TFEC: variants seen among roughly 807,000 people sequenced by gnomAD.
TFEC encodes class E basic helix-loop-helix protein 34.
In TFEC, 31 loss-of-function variants were observed where a neutral mutation model predicts 41.6. The ratio of observed to expected loss-of-function variants is 0.74; its 90% confidence interval spans 0.56 to 1.01. The LOEUF is 1.01. TFEC is among the 50% of genes least tolerant of loss of function. TFEC has a pLI of 0.00. For synonymous variants in TFEC, 143 were observed against 140.6 expected, an observed-to-expected ratio of 1.02 and a Z score of -0.12; for missense variants, 402 against 404.1, an observed-to-expected ratio of 0.99 and a Z score of 0.04.
At chr7:116,139,160 CA>C in intron 1 of TFEC, among the ~76,000 whole-genome samples, 1 of 152,288 alleles carries the variant, frequency 6.6e-6, no homozygotes, top group South Asian at 2.1e-4. Flanking sequence ...AGCACTCAGG[CA>C]GCATGTTTCT....
intron 6 of TFEC, among the ~76,000 whole-genome samples, chr7:115,946,607 TTTTTCTTTCTTTCTTTCTC>T (rs973732046): frequency 8.3e-6 from 1 of 119,892 alleles, no homozygotes; most frequent in African/African-American, 3.1e-5. Context: ...CTTTCTTTCT[TTTTTCTTTCTTTCTTTCTC>T]TCTCTCTCTC....
intron 3 of TFEC, among the ~76,000 whole-genome samples, chr7:116,078,996 T>A (rs996997203): frequency 6.6e-6 from 1 of 152,162 alleles, no homozygotes; most frequent in Non-Finnish European, 1.5e-5. Context: ...CAAGTGGGTT[T>A]CATACCAGGG....
chr7:115,974,331 A>C, intron 2 of TFEC, 75 bp from the exon 3 acceptor site: 1 of 1,149,778 alleles, frequency 8.7e-7, no homozygotes, highest in Non-Finnish European at 1.1e-6. Context: ...ACAGAGAGAA[A>C]AATTCTAGCA....
intron 3 of TFEC, among the ~76,000 whole-genome samples, chr7:116,048,872 A>C (rs528138122): frequency 3.5e-4 from 53 of 152,334 alleles, no homozygotes; most frequent in Non-Finnish European, 5.3e-4. Flanking sequence ...TTTCATATCC[A>C]GCCAAACTAA....
chr7:115,991,279 T>C (rs530121768), intron 1 of TFEC, among the ~76,000 whole-genome samples: 2 of 152,224 alleles, frequency 1.3e-5, no homozygotes, highest in African/African-American at 2.4e-5. Context: ...ACATGCCAAA[T>C]TGTAAAGACC....
intron 1 of TFEC, among the ~76,000 whole-genome samples, chr7:116,020,344 G>C (rs1335134847): frequency 6.6e-6 from 1 of 152,126 alleles, no homozygotes; most frequent in Non-Finnish European, 1.5e-5. Context: ...AATTTGGACA[G>C]TACATTTTTA....
chr7:116,033,971 T>C (rs1795848505), upstream of TFEC, among the ~76,000 whole-genome samples: 1 of 152,150 alleles, frequency 6.6e-6, no homozygotes, highest in Non-Finnish European at 1.5e-5. Context: ...GCACCATAAC[T>C]GACCTTGTCA....
intron 3 of TFEC, among the ~76,000 whole-genome samples, chr7:116,085,989 C>A (rs1010696624): frequency 6.6e-6 from 1 of 151,852 alleles, no homozygotes; most frequent in African/African-American, 2.4e-5. Flanking sequence ...TCTTACATAA[C>A]CACTGTAAAA....
intron 5 of TFEC, among the ~76,000 whole-genome samples, chr7:115,954,090 T>C (rs767932036): frequency 6.6e-6 from 1 of 152,080 alleles, no homozygotes; most frequent in Non-Finnish European, 1.5e-5. Flanking sequence ...CAGAGTCTAA[T>C]TGACCCTTAG....
chr7:116,124,993 C>A (rs912351412), intron 1 of TFEC, among the ~76,000 whole-genome samples: 7 of 152,054 alleles, frequency 4.6e-5, no homozygotes, highest in South Asian at 2.1e-4. Flanking sequence ...AGAAACTATA[C>A]CACATATTAT....
intron 2 of TFEC, among the ~76,000 whole-genome samples, chr7:115,977,365 TTA>T (rs999546156): frequency 1.3e-5 from 2 of 152,024 alleles, no homozygotes; most frequent in African/African-American, 4.8e-5. Flanking sequence ...AGGAAAACAT[TTA>T]TGTTTTCAGA....
intron 1 of TFEC, among the ~76,000 whole-genome samples, chr7:116,023,247 G>T (rs1239519339): frequency 6.6e-6 from 1 of 152,146 alleles, no homozygotes; most frequent in African/African-American, 2.4e-5. Context: ...ACTTTCTGCA[G>T]TGCCACTTTG....
intron 1 of TFEC, among the ~76,000 whole-genome samples, chr7:115,997,181 G>A (rs1794400781): frequency 6.6e-6 from 1 of 152,162 alleles, no homozygotes; most frequent in Non-Finnish European, 1.5e-5. Flanking sequence ...CCCATTGGAG[G>A]TGGCCAGAGG....
chr7:116,051,406 G>C lies in TFEC; in HGVS notation c.198+59302C>G, dbSNP rs1796309132. Among the ~76,000 whole-genome samples, 4 of 152,242 alleles carry C rather than the reference G, an allele frequency of 2.6e-5. No individual in the cohort carries two copies. The South Asian group carries it at 8.3e-4, about 32-fold the overall frequency. ...AGTTCAAGTCATCAGTATCATACTA[G>C]AGGCAAAATTCAAGCTCAGGAAGTC... On this transcript the variant is annotated intron_variant, in intron 3 of 8. Transcript: ENST00000484212.
At chr7:116,027,468 T>G (rs914646532) in intron 1 of TFEC, among the ~76,000 whole-genome samples, 2 of 152,054 alleles carry the variant, frequency 1.3e-5, no homozygotes, top group Non-Finnish European at 2.9e-5. Context: ...TTATGGTGCA[T>G]GCCTGTAGTA....
chr7:116,030,753 G>A lies in TFEC; in HGVS notation c.-193C>T. On this transcript the variant is annotated 5_prime_UTR_variant, in exon 1 of 8. Coordinates refer to ENST00000265440, the MANE Select transcript of TFEC (RefSeq NM_012252.4). Reference sequence around the variant, plus strand: ...CAACCAAAGTAAACGATCTAGCCGTGAGTAATGAATACTTTGGGCTGGTTG... The same window carrying A: ...CAACCAAAGTAAACGATCTAGCCGTAAGTAATGAATACTTTGGGCTGGTTG... 1 of 985,366 alleles carries A rather than the reference G, an allele frequency of 1.0e-6. No individual in the cohort carries two copies. The highest frequency in any genetic ancestry group is 1.2e-6 in the Non-Finnish European group (1 of 829,934). The allele number at this position is 985,366 out of a possible 1,614,324, so 61.0% of individuals were successfully genotyped here. A position where few individuals can be genotyped will look rare whatever the true frequency, so the allele number is the denominator to read the frequency against.
At chr7:116,086,452 T>C (rs1309823626) in intron 3 of TFEC, among the ~76,000 whole-genome samples, 2 of 151,968 alleles carry the variant, frequency 1.3e-5, no homozygotes, top group Non-Finnish European at 2.9e-5. Context: ...GTTTGATGCA[T>C]ACATGTGTGG....
At chr7:115,973,260 C>T (rs1217799989) in intron 3 of TFEC, among the ~76,000 whole-genome samples, 3 of 151,712 alleles carry the variant, frequency 2.0e-5, no homozygotes, top group Non-Finnish European at 2.9e-5. Flanking sequence ...AGAATTGATA[C>T]AGAAAAAAGG....
At chr7:116,121,825 A>G (rs1798113370) in intron 1 of TFEC, among the ~76,000 whole-genome samples, 1 of 152,066 alleles carries the variant, frequency 6.6e-6, no homozygotes, top group African/African-American at 2.4e-5. Context: ...TCCTTGGCTA[A>G]AAGCCCTGAT....
Sources: gnomAD v4.1 joint callset for allele counts (sites outside exome capture counted in the v4.1 genomes callset) on GRCh38, gnomAD v4.1.1 for gene constraint, MANE v1.5 for transcripts, NCBI Gene and HGNC (gene_info 2026-07-23, HGNC 2026-07-21) for gene names.